The following MAGI2 variants were observed in gnomAD, a reference collection of about 807,000 sequenced individuals.
MAGI2 encodes the protein membrane-associated guanylate kinase, WW and PDZ domain-containing protein 2.
MAGI2 carries 35 observed loss-of-function variants against 133.3 expected under a neutral mutation model. That is an observed-to-expected ratio of 0.26 (90% CI 0.20 to 0.35). The LOEUF is 0.35. Among genes scored for constraint, MAGI2 ranks in the 10% least tolerant of loss-of-function variants. The pLI, the probability that MAGI2 is intolerant of heterozygous loss-of-function variation, is 1.00. For missense variants in MAGI2, 1,636 were observed against 1,863.4 expected (o/e 0.88, Z 2.25); for synonymous variants, 729 against 710.6 (o/e 1.03, Z -0.41).
At chr7:78,884,466 G>T (rs1796115895) in intron 2 of MAGI2, among the ~76,000 whole-genome samples, 1 of 152,094 alleles carries the variant, frequency 6.6e-6, no homozygotes, top group Non-Finnish European at 1.5e-5. Flanking sequence ...AACAGAGCAA[G>T]ACCCTGTCTC....
chr7:78,941,887 A>G (rs982714164), intron 2 of MAGI2, among the ~76,000 whole-genome samples: 11 of 151,954 alleles, frequency 7.2e-5, no homozygotes, highest in Non-Finnish European at 1.3e-4. Flanking sequence ...TTCAACACCT[A>G]TATCAAGCCT....
intron 2 of MAGI2, among the ~76,000 whole-genome samples, chr7:78,947,825 G>A (rs1047714573): frequency 3.3e-5 from 5 of 151,966 alleles, no homozygotes; most frequent in Non-Finnish European, 7.4e-5. Context: ...TTGTTTGTTA[G>A]GTCAACTTGC....
chr7:78,713,611 C>A (rs323141), intron 2 of MAGI2, among the ~76,000 whole-genome samples: 7,703 of 152,132 alleles, frequency 0.051, 334 homozygotes, highest in East Asian at 0.17. Context: ...CCCCATGAAA[C>A]CTTGAATGGC....
chr7:79,450,716 T>C (rs998299679), intron 1 of MAGI2, among the ~76,000 whole-genome samples: 1 of 152,138 alleles, frequency 6.6e-6, no homozygotes, highest in South Asian at 2.1e-4. Context: ...CCACATTAGA[T>C]CAAATTATGG....
intron 1 of MAGI2, among the ~76,000 whole-genome samples, chr7:79,377,789 C>T (rs1410192029): frequency 6.6e-6 from 1 of 151,666 alleles, no homozygotes; most frequent in Non-Finnish European, 1.5e-5. Context: ...TAGGAGATAA[C>T]GGACACACCA....
intron 2 of MAGI2, among the ~76,000 whole-genome samples, chr7:78,881,427 G>A (rs1033430360): frequency 4.8e-5 from 7 of 146,788 alleles, no homozygotes; most frequent in Admixed American, 1.4e-4. Flanking sequence ...GGGGCCTGTC[G>A]TGGGATGGGG....
chr7:79,252,103 G>T (rs563517472), intron 1 of MAGI2, among the ~76,000 whole-genome samples: 3 of 139,468 alleles, frequency 2.2e-5, no homozygotes, highest in African/African-American at 8.2e-5. Flanking sequence ...GTTGCAGTGA[G>T]CCTAGATGGT....
intron 2 of MAGI2, among the ~76,000 whole-genome samples, chr7:78,661,028 T>C (rs1433400629): frequency 4.6e-5 from 7 of 152,196 alleles, no homozygotes; most frequent in Non-Finnish European, 7.3e-5. Flanking sequence ...GTCGTTCTAT[T>C]ACAGTTTCTA....
intron 3 of MAGI2, among the ~76,000 whole-genome samples, chr7:78,604,262 A>G (rs1805550223): frequency 6.6e-6 from 1 of 152,204 alleles, no homozygotes; most frequent in Non-Finnish European, 1.5e-5. Flanking sequence ...CTGAGATGGA[A>G]GAAGCATGGT....
chr7:78,069,498 T>C (rs1365003479), intron 21 of MAGI2, among the ~76,000 whole-genome samples: 1 of 146,768 alleles, frequency 6.8e-6, no homozygotes, highest in Non-Finnish European at 1.5e-5. Flanking sequence ...TATGTGTGTA[T>C]GTGTGTGTGT....
chr7:78,292,982 T>C (rs1207966361), intron 9 of MAGI2, among the ~76,000 whole-genome samples: 3 of 152,166 alleles, frequency 2.0e-5, no homozygotes, highest in Non-Finnish European at 4.4e-5. Context: ...ATAGAAACCC[T>C]AGAAGAAAAC....
intron 1 of MAGI2, among the ~76,000 whole-genome samples, chr7:79,282,321 C>G (rs914817106): frequency 3.3e-5 from 5 of 152,078 alleles, no homozygotes; most frequent in African/African-American, 1.2e-4. Context: ...TTTATAGCCT[C>G]CAGATGAGAA....
At position 79,028,312 on chromosome 7, in the gene MAGI2, TACACAC is replaced by T. The variant is rs1218669302; in HGVS notation, c.302-21112_302-21107del. On this transcript the variant is annotated intron_variant, in intron 1 of 21. Transcript: ENST00000354212. ...ATATATGTGTGTATATATATATATA[TACACAC>T]ATATATATACATATATATACACACA... is the stretch of plus-strand genomic sequence containing the variant. 1.3e-3 allele frequency among the ~76,000 whole-genome samples: 61 copies of T among 45,298 alleles called. 1 individual carries two copies. The highest frequency in any genetic ancestry group is 4.6e-3 in the African/African-American group (59 of 12,770). 29.7% of individuals were successfully genotyped at this position (45,298 alleles called of 152,430 possible).
At chr7:79,267,258 C>T (rs928309400) in intron 1 of MAGI2, among the ~76,000 whole-genome samples, 3 of 152,280 alleles carry the variant, frequency 2.0e-5, no homozygotes, top group East Asian at 1.9e-4. Flanking sequence ...CAAATCTCTG[C>T]ATCAGTGTCT....
intron 6 of MAGI2, among the ~76,000 whole-genome samples, chr7:78,450,714 A>T (rs1460863331): frequency 1.3e-5 from 2 of 152,022 alleles, no homozygotes; most frequent in Non-Finnish European, 2.9e-5. Flanking sequence ...CAGTCTCAGA[A>T]TTGGAAGGAG....
chr7:78,594,182 G>A (rs748423385), intron 3 of MAGI2, among the ~76,000 whole-genome samples: 1 of 152,106 alleles, frequency 6.6e-6, no homozygotes, highest in Admixed American at 6.5e-5. Flanking sequence ...TCAGTTTGCC[G>A]GAACTATATA....
chr7:78,308,717 AC>A (rs1349587062), intron 9 of MAGI2, among the ~76,000 whole-genome samples: 2 of 152,152 alleles, frequency 1.3e-5, no homozygotes, highest in Non-Finnish European at 2.9e-5. Context: ...TTAGGTCTAT[AC>A]TTGAAGTCCC....
intron 2 of MAGI2, among the ~76,000 whole-genome samples, chr7:78,663,028 G>T (rs1585009944): frequency 6.6e-6 from 1 of 152,012 alleles, no homozygotes; most frequent in Non-Finnish European, 1.5e-5. Flanking sequence ...CTGGCCATCT[G>T]GTTCTAGAAC....
At chr7:78,932,125 C>T (rs558857697) in intron 2 of MAGI2, among the ~76,000 whole-genome samples, 30 of 152,102 alleles carry the variant, frequency 2.0e-4, no homozygotes, top group Admixed American at 1.6e-3. Context: ...CATGGAAGCA[C>T]CCTCACAAAG....
Sources: allele counts gnomAD v4.1 joint callset (sites outside exome capture counted in the v4.1 genomes callset), GRCh38; gene constraint gnomAD v4.1.1; transcripts MANE v1.5; gene names NCBI Gene and HGNC (gene_info 2026-07-23, HGNC 2026-07-21).